Variants in BOC observed in about 807,000 individuals in gnomAD.
BOC encodes brother of CDO.
Under a neutral mutation model 112.0 loss-of-function variants are expected in BOC, and 76 were observed. The ratio of observed to expected loss-of-function variants is 0.68; its 90% CI spans 0.56 to 0.82. BOC has a LOEUF of 0.82. Ranked by LOEUF, BOC falls within the 40% of genes least tolerant of loss-of-function variation. The pLI is 0.00. For missense variants in BOC, 1,309 were observed against 1,511.7 expected (o/e 0.87, Z 2.22); for synonymous variants, 580 against 599.8 (o/e 0.97, Z 0.48).
At chr3:113,234,235 A>C (rs948875658) in intron 2 of BOC, among the ~76,000 whole-genome samples, 1 of 152,172 alleles carries the variant, frequency 6.6e-6, no homozygotes, top group Non-Finnish European at 1.5e-5. Flanking sequence ...ACTTTGACAA[A>C]TCTTCTAGGA....
Position 113,286,778 on chromosome 3 carries a change from C to T in BOC, c.3264C>T (p.Ala1088=), listed in dbSNP as rs749240090. 2.0e-5 allele frequency: 32 copies of T among 1,613,672 alleles called. No individual in the cohort carries two copies. The highest frequency in any genetic ancestry group is 2.7e-5 in the Non-Finnish European group (32 of 1,179,744). Reference sequence around the variant, plus strand: ...GGTGTCCCCAGCACCCCGTAGGGGCCTACGTAGGACAGGAACCTGGAATGC... The same window carrying T: ...GGTGTCCCCAGCACCCCGTAGGGGCTTACGTAGGACAGGAACCTGGAATGC... ...GDWCPQHPVG[A]YVGQEPGMQL... is the part of the protein sequence containing the mutation. Residue 1088 remains alanine, a synonymous_variant, in exon 20 of 20, where the codon GCC becomes GCT. Coordinates refer to ENST00000682979, the MANE Select transcript of BOC (RefSeq NM_001378074.1).
chr3:113,281,210 G>C, intron 15 of BOC, 57 bp downstream of exon 15: 1 of 1,599,698 alleles, frequency 6.3e-7, no homozygotes, highest in Non-Finnish European at 8.5e-7. Context: ...GGAAGGCAGA[G>C]TCACCATTCC....
intron 2 of BOC, among the ~76,000 whole-genome samples, chr3:113,225,878 A>G (rs572284843): frequency 3.3e-5 from 5 of 152,240 alleles, no homozygotes; most frequent in Non-Finnish European, 7.3e-5. Context: ...GGAGAGGCAG[A>G]TGATAAAGAA....
Position 113,278,449 on chromosome 3 carries a change from G to A in BOC, c.1705+192G>A, listed in dbSNP as rs1048631852. On this transcript the variant is annotated intron_variant, in intron 10 of 19. Coordinates refer to ENST00000682979, the MANE Select transcript of BOC (RefSeq NM_001378074.1). This position sits in a 1 kb window ranked among gnomAD's most constrained non-coding sequence, Gnocchi z 4.2. The stretch of plus-strand genomic sequence containing the variant: ...GCTCTCATCAGGAGAGTAGCCAGCC[G>A]GCCTCTCTGGCACCCCTTCATCCCT... 1.3e-4 allele frequency among the ~76,000 whole-genome samples: 20 copies of A among 151,938 alleles called. No homozygotes were observed. Among genetic ancestry groups the A allele is most frequent in the Non-Finnish European group, 2.9e-5 (2 of 67,978 alleles).
chr3:113,222,961 C>T (rs1941010150), intron 2 of BOC, among the ~76,000 whole-genome samples: 1 of 152,244 alleles, frequency 6.6e-6, no homozygotes, highest in African/African-American at 2.4e-5. Flanking sequence ...GACAGACGGT[C>T]CCTGCCATTG....
chr3:113,251,096 C>T (rs746797687), intron 4 of BOC: 27 of 599,482 alleles, frequency 4.5e-5, no homozygotes, highest in Admixed American at 2.4e-4. Flanking sequence ...CATGGCAGAA[C>T]TTGACATGGC....
chr3:113,241,640 G>A (rs1195339171), intron 2 of BOC, among the ~76,000 whole-genome samples: 1 of 152,174 alleles, frequency 6.6e-6, no homozygotes, highest in Admixed American at 6.5e-5. Context: ...AACCGGGAAG[G>A]GGCAGTGGTG....
chr3:113,243,744 C>G (rs1047560195), intron 2 of BOC, among the ~76,000 whole-genome samples: 2 of 152,166 alleles, frequency 1.3e-5, no homozygotes, highest in African/African-American at 4.8e-5. Context: ...CTTGTACATA[C>G]CTCAAGAGGC....
At position 113,217,350 on chromosome 3, in the gene BOC, TACAA is replaced by T. The variant is rs547941693; in HGVS notation, c.-82+1098_-82+1101del. Among the ~76,000 whole-genome samples the T allele has an allele frequency of 3.4e-3, 515 of 152,206 alleles. 8 individuals are homozygous for T. The highest frequency in any genetic ancestry group is 0.012 in the African/African-American group (481 of 41,522). On this transcript the variant is annotated intron_variant, in intron 2 of 19. Coordinates refer to ENST00000682979, the MANE Select transcript of BOC (RefSeq NM_001378074.1). Reference sequence around the variant, plus strand: ...GGGCAACATGGCAAAACTCTGTCTCTACAAACAAACAAACAAACAAACAAAAATT... The same window carrying T: ...GGGCAACATGGCAAAACTCTGTCTCTACAAACAAACAAACAAACAAAAATT...
chr3:113,225,523 T>G (rs1017894058), intron 2 of BOC, among the ~76,000 whole-genome samples: 1 of 152,214 alleles, frequency 6.6e-6, no homozygotes, highest in Non-Finnish European at 1.5e-5. Flanking sequence ...CTCCAATCTA[T>G]AGCCTGACCA....
chr3:113,223,348 A>C (rs1462757023), intron 2 of BOC, among the ~76,000 whole-genome samples: 1 of 152,184 alleles, frequency 6.6e-6, no homozygotes, highest in African/African-American at 2.4e-5. Context: ...TTGTCGTTCC[A>C]ATTTCCCCCA....
rs368545761 is a variant in BOC, at chr3:113,272,585, G to A, written c.843G>A (p.Leu281=). The A allele has an allele frequency of 1.4e-5, 23 of 1,613,932 alleles. No homozygotes were observed. In the African/African-American group the frequency reaches 2.4e-4, roughly 17 times the overall value. The change falls in exon 7 of 20, where the codon CTG becomes CTA. Residue 281 remains leucine, a synonymous_variant. Coordinates refer to ENST00000682979, the MANE Select transcript of BOC (RefSeq NM_001378074.1). ...GCTACAACAAGACGCGCTTCCTGCT[G>A]AGCAACCTCCTCATCGACACCACCA... ...VTGYNKTRFL[L]SNLLIDTTSE... is the part of the protein sequence containing the mutation.
chr3:113,273,463 C>T (rs1223095693), intron 8 of BOC, 122 bp downstream of exon 8: 1 of 1,082,112 alleles, frequency 9.2e-7, no homozygotes, highest in South Asian at 2.1e-5. Context: ...GTTGTAAGCT[C>T]AAATTTATAT....
chr3:113,227,200 C>A (rs959108202), intron 2 of BOC, among the ~76,000 whole-genome samples: 1 of 152,092 alleles, frequency 6.6e-6, no homozygotes, highest in Non-Finnish European at 1.5e-5. Context: ...AGAGTTTTGT[C>A]AATTATGGTA....
In BOC at chr3:113,216,167, A is replaced by G. The variant is rs968968410; in HGVS notation, c.-169-20A>G. 6.6e-6 allele frequency: 3 copies of G among 451,244 alleles called. 1 individual carries two copies. The highest frequency in any genetic ancestry group is 4.7e-5 in the South Asian group (3 of 63,610). 28.0% of individuals were successfully genotyped at this position (451,244 alleles called of 1,614,324 possible). On this transcript the variant is annotated intron_variant, in intron 1 of 19. Coordinates refer to ENST00000682979, the MANE Select transcript of BOC (RefSeq NM_001378074.1). ...CTGTTTATTTTGTTCAAAAGATGAGATAATTCTCTTTTTCCTCAGTTTCAG... is the reference window on the plus strand; with the variant it reads ...CTGTTTATTTTGTTCAAAAGATGAGGTAATTCTCTTTTTCCTCAGTTTCAG...
At chr3:113,228,639 C>T (rs1161038429) in intron 2 of BOC, among the ~76,000 whole-genome samples, 1 of 152,156 alleles carries the variant, frequency 6.6e-6, no homozygotes, top group Admixed American at 6.5e-5. Context: ...AAGAATGGGG[C>T]TGTTCCAAAT....
intron 15 of BOC, among the ~76,000 whole-genome samples, chr3:113,282,973 A>C (rs747783076): frequency 6.6e-6 from 1 of 152,164 alleles, no homozygotes; most frequent in Non-Finnish European, 1.5e-5. Context: ...GCTGTGATCC[A>C]TGCTAATACC....
At chr3:113,255,374 A>T (rs1447544836) in intron 4 of BOC, among the ~76,000 whole-genome samples, 1 of 152,238 alleles carries the variant, frequency 6.6e-6, no homozygotes, top group South Asian at 2.1e-4. Flanking sequence ...TCAACACAGT[A>T]TGGCAAGGAG....
intron 2 of BOC, among the ~76,000 whole-genome samples, chr3:113,237,446 G>A (rs1241554184): frequency 6.6e-6 from 1 of 152,122 alleles, no homozygotes; most frequent in Non-Finnish European, 1.5e-5. Context: ...CAGGGCCATG[G>A]TGATGGTGGC....
Sources: gnomAD v4.1 joint callset for allele counts (sites outside exome capture counted in the v4.1 genomes callset) on GRCh38, gnomAD v4.1.1 for gene constraint, Gnocchi (gnomAD v3.1) non-coding constraint, MANE v1.5 for transcripts, NCBI Gene and HGNC (gene_info 2026-07-23, HGNC 2026-07-21) for gene names.